SNAP25: variants seen among roughly 807,000 people sequenced by gnomAD.
The protein encoded by SNAP25 is synaptosomal-associated protein 25.
Under a neutral mutation model 28.7 loss-of-function variants are expected in SNAP25, and 3 were observed. The observed-to-expected ratio is 0.10, with a 90% CI of 0.05 to 0.27. The LOEUF (loss-of-function observed/expected upper bound fraction) is 0.27, where lower values mean the gene tolerates loss of function less well. Among genes scored for constraint, SNAP25 ranks in the 10% least tolerant of loss-of-function variants. SNAP25 has a pLI of 1.00. For missense variants in SNAP25, 117 were observed against 278.7 expected (o/e 0.42, Z 4.13); for synonymous variants, 61 against 88.1 (o/e 0.69, Z 1.72).
At chr20:10,237,892 G>A in intron 1 of SNAP25, among the ~76,000 whole-genome samples, 1 of 152,164 alleles carries the variant, frequency 6.6e-6, no homozygotes, top group East Asian at 1.9e-4. Flanking sequence ...GCCCAGCCAT[G>A]TCCAGCCCCC....
At chr20:10,290,811 A>C (rs976377022) in intron 4 of SNAP25, among the ~76,000 whole-genome samples, 4 of 152,148 alleles carry the variant, frequency 2.6e-5, no homozygotes, top group African/African-American at 4.8e-5. Context: ...CCTCCAATCC[A>C]TCTCAAGCCT....
chr20:10,268,639 A>T (rs891080817), intron 1 of SNAP25, among the ~76,000 whole-genome samples: 3 of 152,162 alleles, frequency 2.0e-5, no homozygotes, highest in African/African-American at 4.8e-5. Flanking sequence ...CAGAGTCTTC[A>T]GCAGGAACGC....
At chr20:10,298,853 CTTAAT>C (rs1157989691) in intron 6 of SNAP25, among the ~76,000 whole-genome samples, 4 of 152,236 alleles carry the variant, frequency 2.6e-5, no homozygotes, top group South Asian at 2.1e-4. Flanking sequence ...AATTTTGAGA[CTTAAT>C]TTGAGTCTTA....
At chr20:10,222,478 C>G (rs1366195173) in intron 1 of SNAP25, among the ~76,000 whole-genome samples, 1 of 152,160 alleles carries the variant, frequency 6.6e-6, no homozygotes, top group East Asian at 1.9e-4. Flanking sequence ...GCCCACTCTA[C>G]AGTTGGCAAA....
intron 1 of SNAP25, among the ~76,000 whole-genome samples, chr20:10,237,354 ACAAATT>A (rs1428415062): frequency 4.6e-5 from 7 of 152,176 alleles, no homozygotes; most frequent in Non-Finnish European, 7.3e-5. Flanking sequence ...CCTGCAGGAG[ACAAATT>A]CTACACCTCA....
At chr20:10,242,305 G>A (rs1341776679) in intron 1 of SNAP25, among the ~76,000 whole-genome samples, 1 of 152,190 alleles carries the variant, frequency 6.6e-6, no homozygotes, top group Non-Finnish European at 1.5e-5. Context: ...AGTGTGGATT[G>A]CATCACAGTT....
At chr20:10,306,097 C>T (rs1213949288) in intron 7 of SNAP25, 32 bp from the exon 8 acceptor site, 1 of 1,609,606 alleles carries the variant, frequency 6.2e-7, no homozygotes, top group East Asian at 2.2e-5. Flanking sequence ...TAAGGGGTAA[C>T]CTGAGTTCTG....
intron 1 of SNAP25, among the ~76,000 whole-genome samples, chr20:10,232,442 TTG>T (rs2062844580): frequency 1.3e-5 from 2 of 152,120 alleles, no homozygotes; most frequent in African/African-American, 4.8e-5. Context: ...CTCCAAAAGG[TTG>T]GGCTGAATAG....
At chr20:10,242,602 G>A (rs1164603606) in intron 1 of SNAP25, among the ~76,000 whole-genome samples, 2 of 152,172 alleles carry the variant, frequency 1.3e-5, no homozygotes, top group East Asian at 3.9e-4. Flanking sequence ...AGGATGCCTA[G>A]ACTAAGAAAG....
At chr20:10,225,436 G>A (rs1372740988) in intron 1 of SNAP25, among the ~76,000 whole-genome samples, 4 of 152,134 alleles carry the variant, frequency 2.6e-5, no homozygotes. Flanking sequence ...TCCTATTTAA[G>A]GATTAGCATT....
intron 7 of SNAP25, among the ~76,000 whole-genome samples, chr20:10,301,472 C>T (rs1372207163): frequency 6.6e-6 from 1 of 152,134 alleles, no homozygotes; most frequent in Non-Finnish European, 1.5e-5. Flanking sequence ...CCCAGCATTG[C>T]CCCAAATGAT....
intron 4 of SNAP25, among the ~76,000 whole-genome samples, chr20:10,292,380 T>C (rs749914175): frequency 2.6e-5 from 4 of 152,176 alleles, no homozygotes; most frequent in South Asian, 2.1e-4. Context: ...AGAAAAGACA[T>C]CCATACCCAT....
chr20:10,251,812 G>C (rs758396926), intron 1 of SNAP25, among the ~76,000 whole-genome samples: 2 of 152,178 alleles, frequency 1.3e-5, no homozygotes, highest in Non-Finnish European at 2.9e-5. Flanking sequence ...CCTATCATAT[G>C]TTCCTCCTAG....
intron 1 of SNAP25, among the ~76,000 whole-genome samples, chr20:10,261,725 G>A (rs541376071): frequency 7.9e-5 from 12 of 152,250 alleles, no homozygotes; most frequent in Admixed American, 7.2e-4. Flanking sequence ...AAAAGACTTA[G>A]GGAATTAACA....
intron 1 of SNAP25, among the ~76,000 whole-genome samples, chr20:10,233,748 G>A (rs371598519): frequency 2.0e-5 from 3 of 152,266 alleles, no homozygotes; most frequent in East Asian, 1.9e-4. Flanking sequence ...GTTCTCCCTC[G>A]ACTTGTTCTA....
At chr20:10,277,338 G>A (rs1017112524) in intron 2 of SNAP25, among the ~76,000 whole-genome samples, 9 of 152,198 alleles carry the variant, frequency 5.9e-5, no homozygotes, top group Admixed American at 2.0e-4. Flanking sequence ...GGCCCAGGGA[G>A]GCCAAATTAG....
intron 3 of SNAP25, among the ~76,000 whole-genome samples, chr20:10,283,049 A>G (rs1345257776): frequency 6.6e-6 from 1 of 152,222 alleles, no homozygotes; most frequent in Non-Finnish European, 1.5e-5. Context: ...ACATTTTACA[A>G]GATGATTCAT....
At chr20:10,220,241 T>C (rs545402408) in intron 1 of SNAP25, among the ~76,000 whole-genome samples, 1 of 152,316 alleles carries the variant, frequency 6.6e-6, no homozygotes, top group African/African-American at 2.4e-5. Context: ...TCTTCCCCCA[T>C]CCTTGCAATC....
At chr20:10,301,798 G>A (rs575730876) in intron 7 of SNAP25, among the ~76,000 whole-genome samples, 36 of 148,066 alleles carry the variant, frequency 2.4e-4, no homozygotes, top group South Asian at 1.5e-3. Context: ...TAAAAATCTC[G>A]TTTTCTGCTT....
Sources: allele counts gnomAD v4.1 joint callset (sites outside exome capture counted in the v4.1 genomes callset), GRCh38; gene constraint gnomAD v4.1.1; transcripts MANE v1.5; gene names NCBI Gene and HGNC (gene_info 2026-07-23, HGNC 2026-07-21).